Variants in PRORP observed in about 807,000 individuals in gnomAD.
The protein encoded by PRORP is protein only RNase P catalytic subunit.
A neutral mutation model predicts 59.4 loss-of-function variants in PRORP; 51 were observed. The observed-to-expected ratio is 0.86, with a 90% CI of 0.69 to 1.08. PRORP has a LOEUF of 1.08. Ranked by LOEUF, PRORP falls within the 50% of genes least tolerant of loss-of-function variation. The probability of loss-of-function intolerance (pLI) is 0.00; values close to 1 mark genes in which losing one functional copy is unlikely to be tolerated. For missense variants in PRORP, 646 were observed against 690.3 expected, an observed-to-expected ratio of 0.94 and a Z score of 0.72; for synonymous variants, 231 against 245.6, an observed-to-expected ratio of 0.94 and a Z score of 0.55.
intron 5 of PRORP, among the ~76,000 whole-genome samples, chr14:35,193,507 G>A (rs1020406166): frequency 2.6e-5 from 4 of 152,034 alleles, no homozygotes; most frequent in Non-Finnish European, 4.4e-5. Context: ...TATTTTTTCT[G>A]CCACTCAAGT....
At chr14:35,203,596 G>A (rs2049212423) in intron 5 of PRORP, among the ~76,000 whole-genome samples, 1 of 152,176 alleles carries the variant, frequency 6.6e-6, no homozygotes, top group Non-Finnish European at 1.5e-5. Flanking sequence ...TGGGCGCAGT[G>A]GCTCATGCCT....
intron 5 of PRORP, among the ~76,000 whole-genome samples, chr14:35,192,201 C>T (rs1485754598): frequency 6.6e-6 from 1 of 152,172 alleles, no homozygotes; most frequent in Non-Finnish European, 1.5e-5. Flanking sequence ...TTTCCTGCCC[C>T]TCAAACATGC....
chr14:35,251,911 G>A (rs2050624823), intron 5 of PRORP, among the ~76,000 whole-genome samples: 1 of 152,138 alleles, frequency 6.6e-6, no homozygotes, highest in Non-Finnish European at 1.5e-5. Flanking sequence ...TAAGGATAGT[G>A]GAGGGGTCGG....
At chr14:35,177,248 T>C (rs1444750888) in intron 4 of PRORP, among the ~76,000 whole-genome samples, 2 of 152,070 alleles carry the variant, frequency 1.3e-5, no homozygotes, top group African/African-American at 2.4e-5. Context: ...CAGGATGATG[T>C]TGGCCTCATA....
At chr14:35,185,596 A>T (rs2048721282) in intron 5 of PRORP, among the ~76,000 whole-genome samples, 1 of 152,266 alleles carries the variant, frequency 6.6e-6, no homozygotes, top group Non-Finnish European at 1.5e-5. Context: ...ACATTCAAGC[A>T]AAGTTGACTA....
chr14:35,204,719 C>T (rs1009841502), intron 5 of PRORP, among the ~76,000 whole-genome samples: 1 of 152,190 alleles, frequency 6.6e-6, no homozygotes, highest in Non-Finnish European at 1.5e-5. Flanking sequence ...ACTCTATGTA[C>T]AAGAACTGCA....
intron 5 of PRORP, among the ~76,000 whole-genome samples, chr14:35,246,926 C>G (rs4982250): frequency 6.6e-6 from 1 of 151,904 alleles, no homozygotes; most frequent in Non-Finnish European, 1.5e-5. Flanking sequence ...TCCCTAATCC[C>G]GTCCCGATTG....
Position 35,274,844 on chromosome 14 carries a change from T to G in PRORP, c.*1278T>G, listed in dbSNP as rs571100509. The G allele has an allele frequency of 6.6e-6, 1 of 152,352 alleles. No homozygotes were observed. The highest frequency in any genetic ancestry group is 1.5e-5 in the Non-Finnish European group (1 of 68,030). 9.4% of individuals were successfully genotyped at this position (152,352 alleles called of 1,614,324 possible). A position where few individuals can be genotyped will look rare whatever the true frequency, so the allele number is the denominator to read the frequency against. ...CAATTTTTTTCCACTTAATCAAGTT[T>G]GACTTAATTTAACAAAGTGATTATA... On this transcript the variant is annotated 3_prime_UTR_variant, in exon 8 of 8. Coordinates refer to ENST00000534898, the MANE Select transcript of PRORP (RefSeq NM_014672.4).
intron 2 of PRORP, 40 bp downstream of exon 2, chr14:35,124,271 ATTTTTTT>A: frequency 1.8e-6 from 2 of 1,140,292 alleles, no homozygotes; most frequent in Non-Finnish European, 2.4e-6. Context: ...TTATTCTTTA[ATTTTTTT>A]TTTTTTTGAG....
intron 4 of PRORP, among the ~76,000 whole-genome samples, chr14:35,145,592 C>T (rs939096689): frequency 7.1e-6 from 1 of 139,974 alleles, no homozygotes; most frequent in Non-Finnish European, 1.6e-5. Flanking sequence ...TGGTGGCATG[C>T]GTCTGTAGTC....
At chr14:35,244,596 A>G (rs987254980) in intron 5 of PRORP, among the ~76,000 whole-genome samples, 1 of 152,146 alleles carries the variant, frequency 6.6e-6, no homozygotes, top group Non-Finnish European at 1.5e-5. Flanking sequence ...GAATATTGGC[A>G]ATTTTACGTG....
intron 4 of PRORP, among the ~76,000 whole-genome samples, chr14:35,168,299 C>G (rs556152155): frequency 6.6e-6 from 1 of 152,272 alleles, no homozygotes; most frequent in South Asian, 2.1e-4. Flanking sequence ...TTCGGCCATT[C>G]TAGTGGGTGT....
At chr14:35,251,119 G>A (rs1413739767) in intron 5 of PRORP, among the ~76,000 whole-genome samples, 3 of 152,164 alleles carry the variant, frequency 2.0e-5, no homozygotes, top group East Asian at 1.9e-4. Context: ...AACATTCGAC[G>A]ATTGGTTTTC....
intron 4 of PRORP, among the ~76,000 whole-genome samples, chr14:35,162,914 T>G (rs1193721146): frequency 6.6e-6 from 1 of 152,172 alleles, no homozygotes; most frequent in Non-Finnish European, 1.5e-5. Context: ...TAAAGCGGGA[T>G]GTTACTTTTA....
chr14:35,224,319 C>A (rs2049875833), intron 5 of PRORP, among the ~76,000 whole-genome samples: 1 of 152,148 alleles, frequency 6.6e-6, no homozygotes, highest in African/African-American at 2.4e-5. Flanking sequence ...TTATCAAGGA[C>A]AGATTTTATT....
chr14:35,218,671 T>C (rs1458386251), intron 5 of PRORP, among the ~76,000 whole-genome samples: 1 of 151,712 alleles, frequency 6.6e-6, no homozygotes, highest in East Asian at 1.9e-4. Context: ...GGATTACAGG[T>C]GCCACCACCA....
intron 4 of PRORP, among the ~76,000 whole-genome samples, chr14:35,177,844 C>T (rs1321872275): frequency 1.3e-5 from 2 of 152,060 alleles, no homozygotes; most frequent in Admixed American, 6.6e-5. Flanking sequence ...GTTAGGGTGT[C>T]GATTTTAGAT....
At chr14:35,225,975 T>A (rs8008319) in intron 5 of PRORP, among the ~76,000 whole-genome samples, 123,910 of 152,186 alleles carry the variant, frequency 0.81, 50,488 homozygotes, top group Admixed American at 0.85. Flanking sequence ...AAGCTGTAAC[T>A]CTAAGTTTTC....
chr14:35,210,735 CTTCTT>C (rs896118651), intron 5 of PRORP, among the ~76,000 whole-genome samples: 2 of 69,766 alleles, frequency 2.9e-5, no homozygotes, highest in Non-Finnish European at 6.2e-5. Context: ...TTTTCCTTTT[CTTCTT>C]TTCTTTTGCC....
Sources: gnomAD v4.1 joint callset for allele counts (sites outside exome capture counted in the v4.1 genomes callset) on GRCh38, gnomAD v4.1.1 for gene constraint, MANE v1.5 for transcripts, NCBI Gene and HGNC (gene_info 2026-07-23, HGNC 2026-07-21) for gene names.